GALNT17: variants seen among roughly 807,000 people sequenced by gnomAD.
GALNT17 encodes the protein polypeptide N-acetylgalactosaminyltransferase 17, also known as UDP-GalNAc:polypeptide N-acetylgalactosaminyltransferase-like 3.
In GALNT17, 29 loss-of-function variants were observed where a neutral mutation model predicts 63.7. The ratio of observed to expected loss-of-function variants is 0.46; its 90% CI spans 0.34 to 0.62. GALNT17 has a LOEUF of 0.62. Among genes scored for constraint, GALNT17 ranks in the 20% least tolerant of loss-of-function variants. The pLI is 0.01. For missense variants in GALNT17, 603 were observed against 799.6 expected, an observed-to-expected ratio of 0.75 and a Z score of 2.97; for synonymous variants, 305 against 318.3, an observed-to-expected ratio of 0.96 and a Z score of 0.45.
intron 5 of GALNT17, among the ~76,000 whole-genome samples, chr7:71,546,308 G>A (rs1293701832): frequency 1.3e-5 from 2 of 151,928 alleles, no homozygotes; most frequent in South Asian, 2.1e-4. Context: ...CTACAGGTGT[G>A]CACCACCACT....
intron 2 of GALNT17, among the ~76,000 whole-genome samples, chr7:71,377,114 A>AAAAAAAACATATATTTATATAT: frequency 1.7e-5 from 1 of 57,486 alleles, no homozygotes; most frequent in African/African-American, 9.4e-5. Context: ...AAATAAAAAA[A>AAAAAAAACATATATTTATATAT]ATATATATAT....
At chr7:71,146,643 T>G (rs1169728340) in intron 1 of GALNT17, among the ~76,000 whole-genome samples, 1 of 152,066 alleles carries the variant, frequency 6.6e-6, no homozygotes, top group African/African-American at 2.4e-5. Flanking sequence ...GCACTTAGAA[T>G]AAATGCAGGA....
intron 5 of GALNT17, among the ~76,000 whole-genome samples, chr7:71,427,623 T>A (rs1786783673): frequency 6.6e-6 from 1 of 151,964 alleles, no homozygotes; most frequent in South Asian, 2.1e-4. Context: ...GTCTCCATGC[T>A]CTGGTAAGCC....
chr7:71,686,712 C>T (rs1473548409), intron 9 of GALNT17, among the ~76,000 whole-genome samples: 1 of 152,090 alleles, frequency 6.6e-6, no homozygotes, highest in Non-Finnish European at 1.5e-5. Flanking sequence ...TTATACACAT[C>T]ACAATCACTT....
At chr7:71,607,111 G>C (rs560270047) in intron 6 of GALNT17, among the ~76,000 whole-genome samples, 53 of 152,222 alleles carry the variant, frequency 3.5e-4, no homozygotes, top group African/African-American at 1.2e-3. Context: ...GTTCAAGGCT[G>C]CAGTGAGCCA....
intron 1 of GALNT17, among the ~76,000 whole-genome samples, chr7:71,335,194 T>A (rs1280176013): frequency 1.3e-5 from 2 of 152,114 alleles, no homozygotes; most frequent in Non-Finnish European, 2.9e-5. Flanking sequence ...TGCAGTGGTG[T>A]GATCTTGGCT....
intron 5 of GALNT17, among the ~76,000 whole-genome samples, chr7:71,498,109 G>C (rs767251781): frequency 1.8e-4 from 27 of 152,150 alleles, no homozygotes; most frequent in Admixed American, 3.3e-4. Flanking sequence ...GGGAAGATGG[G>C]TGACTACCAT....
At chr7:71,640,417 A>G (rs530668098) in intron 6 of GALNT17, among the ~76,000 whole-genome samples, 1 of 152,120 alleles carries the variant, frequency 6.6e-6, no homozygotes, top group African/African-American at 2.4e-5. Flanking sequence ...ATCATATCTG[A>G]GTCTGTAAAC....
intron 3 of GALNT17, among the ~76,000 whole-genome samples, chr7:71,405,360 C>T (rs1467703903): frequency 2.6e-5 from 4 of 152,112 alleles, no homozygotes; most frequent in Non-Finnish European, 5.9e-5. Flanking sequence ...GGCATTGTGG[C>T]TCATGCTTAT....
chr7:71,627,171 T>A (rs992688529), intron 6 of GALNT17, among the ~76,000 whole-genome samples: 1 of 152,210 alleles, frequency 6.6e-6, no homozygotes. Context: ...TTAAGTGGGC[T>A]TCACTGCTGA....
At chr7:71,507,600 T>G (rs1788288616) in intron 5 of GALNT17, among the ~76,000 whole-genome samples, 1 of 152,168 alleles carries the variant, frequency 6.6e-6, no homozygotes. Context: ...CTAAGAAAAT[T>G]AAACCTGCCT....
chr7:71,199,326 A>G (rs572131020), intron 1 of GALNT17, among the ~76,000 whole-genome samples: 67 of 152,204 alleles, frequency 4.4e-4, no homozygotes, highest in African/African-American at 1.5e-3. Context: ...ACTGTTCCTA[A>G]AGTTGTAATT....
At position 71,132,203 on chromosome 7, in the gene GALNT17, C is replaced by G. The variant is rs1473781408; in HGVS notation, c.-600C>G. The G allele has an allele frequency of 6.6e-6, 1 of 152,496 alleles. No homozygotes were observed. Among genetic ancestry groups the G allele is most frequent in the African/African-American group, 2.4e-5 (1 of 41,470 alleles). The allele number at this position is 152,496 out of a possible 1,614,324, so 9.4% of individuals were successfully genotyped here. On this transcript the variant is annotated 5_prime_UTR_variant, in exon 1 of 11. Transcript: ENST00000333538. ...CGGGCTCCCCGAGCGGGCTTCCCCT[C>G]TGCCCGGCGCGATGGAGCGGGTCGG...
chr7:71,388,454 C>G (rs370075781), intron 3 of GALNT17, 53 bp downstream of exon 3: 1 of 1,572,140 alleles, frequency 6.4e-7, no homozygotes, highest in South Asian at 1.2e-5. Flanking sequence ...GGGGGAAATG[C>G]CACTTTCATT....
chr7:71,454,887 C>T (rs762110170), intron 5 of GALNT17, among the ~76,000 whole-genome samples: 2 of 152,064 alleles, frequency 1.3e-5, no homozygotes, highest in Non-Finnish European at 2.9e-5. Context: ...AATCCTGGGC[C>T]AGGCATGATG....
intron 1 of GALNT17, among the ~76,000 whole-genome samples, chr7:71,333,746 C>T (rs1563010783): frequency 1.3e-5 from 2 of 152,304 alleles, no homozygotes; most frequent in East Asian, 1.9e-4. Flanking sequence ...TCACCTCAGC[C>T]TCCCAAAGTG....
At chr7:71,480,322 C>T (rs1787796683) in intron 5 of GALNT17, among the ~76,000 whole-genome samples, 2 of 151,914 alleles carry the variant, frequency 1.3e-5, no homozygotes, top group African/African-American at 4.8e-5. Flanking sequence ...TGCCCCACCA[C>T]ACCTGGCTAA....
At chr7:71,458,745 C>G (rs1330604418) in intron 5 of GALNT17, among the ~76,000 whole-genome samples, 2 of 152,128 alleles carry the variant, frequency 1.3e-5, no homozygotes, top group African/African-American at 2.4e-5. Context: ...TCCAGCGGCT[C>G]ACCTCCTCTC....
At chr7:71,632,703 G>T (rs916956563) in intron 6 of GALNT17, among the ~76,000 whole-genome samples, 1 of 152,152 alleles carries the variant, frequency 6.6e-6, no homozygotes, top group Non-Finnish European at 1.5e-5. Context: ...CCCAGACCAG[G>T]GGGAGGATTG....
Sources: gnomAD v4.1 joint callset for allele counts (sites outside exome capture counted in the v4.1 genomes callset) on GRCh38, gnomAD v4.1.1 for gene constraint, MANE v1.5 for transcripts, NCBI Gene and HGNC (gene_info 2026-07-23, HGNC 2026-07-21) for gene names.